Variants in RAB14 observed in about 807,000 individuals in gnomAD.
RAB14 encodes the protein RAB14, member RAS oncogene family, also known as ras-related protein Rab-14.
Under a neutral mutation model 31.1 loss-of-function variants are expected in RAB14, and 3 were observed. The observed-to-expected ratio is 0.10, with a 90% CI of 0.04 to 0.25. RAB14 has a LOEUF of 0.25. Among genes scored for constraint, RAB14 ranks in the 10% least tolerant of loss-of-function variants. RAB14 has a pLI of 1.00. For synonymous variants in RAB14, 85 were observed against 84.9 expected (o/e 1.00, Z 0.00); for missense variants, 111 against 260.1 (o/e 0.43, Z 3.94).
At chr9:121,198,429 C>T (rs922799372) in intron 1 of RAB14, among the ~76,000 whole-genome samples, 1 of 152,126 alleles carries the variant, frequency 6.6e-6, no homozygotes. Context: ...TTACTGTTTG[C>T]TCTGATTTTA....
At chr9:121,183,543 G>C in intron 5 of RAB14, 145 bp from the exon 6 acceptor site, 1 of 627,976 alleles carries the variant, frequency 1.6e-6, no homozygotes. Context: ...CCACTAGACA[G>C]GGCTACAGAT....
chr9:121,182,359 T>C (rs1292236222), intron 7 of RAB14, among the ~76,000 whole-genome samples: 2 of 152,222 alleles, frequency 1.3e-5, no homozygotes, highest in Non-Finnish European at 2.9e-5. Flanking sequence ...TCCATTCAGT[T>C]TTCTTTGGAC....
At chr9:121,187,588 G>A (rs2053664837) in intron 4 of RAB14, among the ~76,000 whole-genome samples, 1 of 151,972 alleles carries the variant, frequency 6.6e-6, no homozygotes, top group South Asian at 2.1e-4. Flanking sequence ...AAGAATTCAA[G>A]TCCCCAGATA....
At chr9:121,188,609 G>T (rs528383570) in intron 4 of RAB14, among the ~76,000 whole-genome samples, 1 of 151,496 alleles carries the variant, frequency 6.6e-6, no homozygotes, top group South Asian at 2.1e-4. Flanking sequence ...GACAAGCTAC[G>T]CTGTCAATTT....
intron 7 of RAB14, 24 bp from the exon 8 acceptor site, chr9:121,181,597 T>C (rs1336903030): frequency 8.3e-6 from 13 of 1,574,478 alleles, no homozygotes; most frequent in East Asian, 2.3e-5. Context: ...GATAACTTTA[T>C]TGGAGAACCA....
At chr9:121,192,248 A>C (rs1265454535) in intron 2 of RAB14, 24 bp from the exon 3 acceptor site, 2 of 1,557,746 alleles carry the variant, frequency 1.3e-6, no homozygotes, top group Non-Finnish European at 1.8e-6. Flanking sequence ...AAGAAGTTTC[A>C]GGTGGCAATT....
chr9:121,186,763 TA>T (rs1449428761), intron 5 of RAB14, among the ~76,000 whole-genome samples, 189 bp downstream of exon 5: 1 of 152,128 alleles, frequency 6.6e-6, no homozygotes, highest in Non-Finnish European at 1.5e-5. Flanking sequence ...CTAGGTATAA[TA>T]AAATGCAAAA....
chr9:121,199,349 C>A (rs947361255), intron 1 of RAB14, among the ~76,000 whole-genome samples: 4 of 152,174 alleles, frequency 2.6e-5, no homozygotes, highest in African/African-American at 9.7e-5. Flanking sequence ...GAATAAGAAG[C>A]TTTTTAAAAG....
rs144604690 is a variant in RAB14 at position 121,199,108 on chromosome 9, A to G, written c.-8+2531T>C. On this transcript the variant is annotated intron_variant, in intron 1 of 7. Transcript: ENST00000373840. ...GGACCTCTGTTTACAGAAAGAAAGC[A>G]CTTAACAACCAAAAAGCCAAAAAAA... is the stretch of plus-strand genomic sequence containing the variant. Among the ~76,000 whole-genome samples the G allele has an allele frequency of 1.2e-3, 179 of 152,316 alleles. 4 individuals carry two copies. The East Asian group carries it at 0.03, about 26-fold the overall frequency.
intron 1 of RAB14, among the ~76,000 whole-genome samples, chr9:121,194,960 C>T (rs1478182143): frequency 6.6e-6 from 1 of 152,154 alleles, no homozygotes; most frequent in Non-Finnish European, 1.5e-5. Context: ...TGTTCTAACA[C>T]ATTTATAATC....
At chr9:121,185,744 T>C (rs998841703) in intron 5 of RAB14, among the ~76,000 whole-genome samples, 1 of 152,182 alleles carries the variant, frequency 6.6e-6, no homozygotes, top group Non-Finnish European at 1.5e-5. Flanking sequence ...AATTCATTCC[T>C]ACGTACGGCT....
chr9:121,184,845 T>A (rs1034815911), intron 5 of RAB14, among the ~76,000 whole-genome samples: 4 of 152,106 alleles, frequency 2.6e-5, no homozygotes, highest in Non-Finnish European at 4.4e-5. Flanking sequence ...TTATAAAAAA[T>A]CAAGTCTGGT....
chr9:121,188,592 CTG>C (rs1564319982), intron 4 of RAB14, among the ~76,000 whole-genome samples: 1 of 151,410 alleles, frequency 6.6e-6, no homozygotes, highest in African/African-American at 2.4e-5. Context: ...GGCAAAACAA[CTG>C]TCACGACAAG....
intron 3 of RAB14, among the ~76,000 whole-genome samples, 190 bp downstream of exon 3, chr9:121,191,978 TATA>T (rs2053689425): frequency 6.6e-6 from 1 of 152,118 alleles, no homozygotes; most frequent in African/African-American, 2.4e-5. Context: ...AATCAGATTA[TATA>T]ATGTGTATAA....
chr9:121,192,286 C>T (rs1285892802), intron 2 of RAB14, 62 bp from the exon 3 acceptor site: 9 of 1,266,482 alleles, frequency 7.1e-6, no homozygotes, highest in Non-Finnish European at 9.0e-6. Flanking sequence ...GCAATGATCG[C>T]TATATTCCTT....
At chr9:121,191,912 A>C (rs1208275479) in intron 3 of RAB14, among the ~76,000 whole-genome samples, 1 of 152,152 alleles carries the variant, frequency 6.6e-6, no homozygotes, top group Non-Finnish European at 1.5e-5. Flanking sequence ...ATTAAGTTTG[A>C]CATTATTTTA....
At chr9:121,193,338 G>C (rs1185863606) in intron 2 of RAB14, 23 bp downstream of exon 2, 5 of 1,474,780 alleles carry the variant, frequency 3.4e-6, no homozygotes, top group African/African-American at 1.4e-5. Flanking sequence ...TTGGGAACAA[G>C]AGTGTAAGTT....
Position 121,190,697 on chromosome 9 carries a change from T to C in RAB14, c.141A>G (p.Glu47=), listed in dbSNP as rs1367589656. 2 of 1,613,192 alleles carry C rather than the reference T, an allele frequency of 1.2e-6. No homozygotes were observed. The highest frequency in any genetic ancestry group is 2.2e-5 in the South Asian group (2 of 91,062). The change falls in exon 4 of 8, where the codon GAA becomes GAG. Residue 47 remains glutamate, a synonymous_variant. Coordinates refer to ENST00000373840, the MANE Select transcript of RAB14 (RefSeq NM_016322.4). ...MADCPHTIGV[E]FGTRIIEVSG... ...TAACTTCGATTATTCTTGTACCAAA[T>C]TCAACACCAATTGTGTGAGGACAAT...
At chr9:121,186,742 G>C (rs766507742) in intron 5 of RAB14, among the ~76,000 whole-genome samples, 5 of 151,902 alleles carry the variant, frequency 3.3e-5, no homozygotes, top group Non-Finnish European at 7.4e-5. Flanking sequence ...TGACAAACAT[G>C]AACAAAAAAC....
Sources: gnomAD v4.1 joint callset for allele counts (sites outside exome capture counted in the v4.1 genomes callset) on GRCh38, gnomAD v4.1.1 for gene constraint, MANE v1.5 for transcripts, NCBI Gene and HGNC (gene_info 2026-07-23, HGNC 2026-07-21) for gene names.